The following GGT5 variants were observed in gnomAD, a reference collection of about 807,000 sequenced individuals.
The protein encoded by GGT5 is gamma-glutamyltransferase 5.
A neutral mutation model predicts 58.1 loss-of-function variants in GGT5; 50 were observed. That is an observed-to-expected ratio of 0.86 (90% CI 0.69 to 1.09). The LOEUF (loss-of-function observed/expected upper bound fraction) is 1.09, where lower values mean the gene tolerates loss of function less well. Ranked by LOEUF, GGT5 falls within the 50% of genes least tolerant of loss-of-function variation. GGT5 has a pLI of 0.00. For missense variants in GGT5, 800 were observed against 789.4 expected (o/e 1.01, Z -0.16); for synonymous variants, 370 against 346.1 (o/e 1.07, Z -0.77).
intron 1 of GGT5, chr22:24,242,881 C>T (rs1438591510): frequency 6.6e-6 from 1 of 152,292 alleles, no homozygotes; most frequent in Non-Finnish European, 1.5e-5. Flanking sequence ...CTCTCTTCCA[C>T]TCCCAGCTTC....
Position 24,231,333 on chromosome 22 carries a change from C to T in GGT5, c.901+51G>A, listed in dbSNP as rs773907969. ...GCTTGGAGTCTGAGTTCCCGGGGGC[C>T]GGGGGTGCGGGGGAGGGGGTGGGCG... On this transcript the variant is annotated intron_variant, in intron 6 of 11. Coordinates refer to ENST00000327365, the MANE Select transcript of GGT5 (RefSeq NM_004121.5). The T allele has an allele frequency of 3.3e-5, 30 of 909,494 alleles. No homozygotes were observed. In the African/African-American group the frequency reaches 3.9e-4, roughly 12 times the overall value. 56.3% of individuals were successfully genotyped at this position (909,494 alleles called of 1,614,324 possible).
Position 24,226,280 on chromosome 22 carries a change from G to C in GGT5, c.1039-14C>G, listed in dbSNP as rs746752334. The C allele has an allele frequency of 1.3e-6, 2 of 1,581,602 alleles. No individual in the cohort carries two copies. Among genetic ancestry groups the C allele is most frequent in the South Asian group, 2.3e-5 (2 of 88,688 alleles). ...CCGGGAGGCATTCTGGGGTGGGTGG[G>C]CAGGTGGCAGGGTCAGTGAGGGGCC... On this transcript the variant is annotated splice_polypyrimidine_tract_variant and intron_variant, in intron 7 of 11. Coordinates refer to ENST00000327365, the MANE Select transcript of GGT5 (RefSeq NM_004121.5).
intron 1 of GGT5, 115 bp from the exon 2 acceptor site, chr22:24,234,119 C>A (rs983377512): frequency 9.1e-6 from 9 of 993,880 alleles, no homozygotes; most frequent in Non-Finnish European, 1.3e-5. Flanking sequence ...TCGGCTGCCA[C>A]CAAACCGCAG....
Position 24,219,915 on chromosome 22 carries a change from C to T in GGT5, c.*55G>A. 1 of 1,577,874 alleles carries T rather than the reference C, an allele frequency of 6.3e-7. No individual in the cohort carries two copies. The highest frequency in any genetic ancestry group is 8.7e-7 in the Non-Finnish European group (1 of 1,150,366). On this transcript the variant is annotated 3_prime_UTR_variant, in exon 12 of 12. Coordinates refer to ENST00000327365, the MANE Select transcript of GGT5 (RefSeq NM_004121.5). ...TAGTTGGTCCCCCAGCCATGTCCGGCCTGGACACAGGACTCATGGTGGGGC... is the reference window on the plus strand; with the variant it reads ...TAGTTGGTCCCCCAGCCATGTCCGGTCTGGACACAGGACTCATGGTGGGGC...
rs780041735 is a variant in GGT5 at position 24,244,676 on chromosome 22, C to T, written c.50G>A (p.Gly17Glu). 6.2e-7 allele frequency: 1 copy of T among 1,612,858 alleles called. No individual in the cohort carries two copies. Among genetic ancestry groups the T allele is most frequent in the South Asian group, 1.1e-5 (1 of 91,032 alleles). The change falls in exon 1 of 12, where the codon GGG (glycine) becomes GAG (glutamate). Residue 17 changes from glycine (G) to glutamate (E), a missense_variant. Physicochemically the swap from Gly to Glu is moderately conservative, Grantham distance 98. Coordinates refer to ENST00000327365, the MANE Select transcript of GGT5 (RefSeq NM_004121.5). ...CAGCACAATGACAGCCAGCGCCAGC[C>T]CCAGACCCAGCAGGACTAGGCTGAC... is the stretch of plus-strand genomic sequence containing the variant. ...ATVSLVLLGL[G>E]LALAVIVLAV... is the part of the protein sequence containing the mutation.
intron 11 of GGT5, among the ~76,000 whole-genome samples, chr22:24,220,882 A>C (rs1373907099): frequency 6.6e-6 from 1 of 152,094 alleles, no homozygotes; most frequent in Non-Finnish European, 1.5e-5. Context: ...AAAATAAAAG[A>C]AAAGAAAAAA....
rs1273991633 is a variant in GGT5 at position 24,231,478 on chromosome 22, A to T, written c.807T>A (p.Asp269Glu). The T allele has an allele frequency of 6.3e-7, 1 of 1,581,310 alleles. No homozygotes were observed. The highest frequency in any genetic ancestry group is 1.3e-5 in the African/African-American group (1 of 74,106). ...AGTCCCCCAGGGGCACCTCCAGGGC[A>T]TCCACCACCTCGGGCTGGAACTTGG... ...DLAKFQPEVV[D>E]ALEVPLGDYT... The change falls in exon 6 of 12, where the codon GAT becomes GAA. Residue 269 changes from aspartate (D) to glutamate (E), a missense_variant. Transcript: ENST00000327365.
At chr22:24,234,098 G>A in intron 1 of GGT5, 94 bp from the exon 2 acceptor site, 1 of 1,281,130 alleles carries the variant, frequency 7.8e-7, no homozygotes, top group East Asian at 2.5e-5. Context: ...AATGGTGACG[G>A]AGGCGGCACG....
At chr22:24,233,715 T>C in intron 2 of GGT5, 122 bp from the exon 3 acceptor site, 1 of 871,044 alleles carries the variant, frequency 1.1e-6, no homozygotes, top group Non-Finnish European at 1.8e-6. Context: ...GGGACAGGAG[T>C]TGACACAAGG....
chr22:24,236,572 G>T (rs1451125186), intron 1 of GGT5, among the ~76,000 whole-genome samples: 1 of 152,026 alleles, frequency 6.6e-6, no homozygotes, highest in African/African-American at 2.4e-5. Flanking sequence ...GACCATCCTG[G>T]CTAACACGGT....
At chr22:24,222,531 CT>C (rs1396998273) in intron 11 of GGT5, among the ~76,000 whole-genome samples, 1 of 152,156 alleles carries the variant, frequency 6.6e-6, no homozygotes, top group Non-Finnish European at 1.5e-5. Context: ...GTCCCTGGGC[CT>C]TAGCTGTGAA....
At chr22:24,239,523 A>G (rs1195124437) in intron 1 of GGT5, among the ~76,000 whole-genome samples, 1 of 152,170 alleles carries the variant, frequency 6.6e-6, no homozygotes, top group Non-Finnish European at 1.5e-5. Flanking sequence ...AGAGGGAAGC[A>G]GGAAAGAGTA....
chr22:24,233,862 A>G lies in GGT5; in HGVS notation c.304+12T>C, dbSNP rs200092282. On this transcript the variant is annotated intron_variant, in intron 2 of 11. Coordinates refer to ENST00000327365, the MANE Select transcript of GGT5 (RefSeq NM_004121.5). The stretch of plus-strand genomic sequence containing the variant: ...GCCCATCTTCCCCATGGCAGTTCAC[A>G]TGTGGGCCCACCTGTTGTCACATTG... 1.1e-4 allele frequency: 174 copies of G among 1,612,318 alleles called. 4 individuals carry two copies. The South Asian group carries it at 1.7e-3, about 16-fold the overall frequency.
At chr22:24,231,322 T>A in intron 6 of GGT5, 62 bp downstream of exon 6, 4 of 1,195,836 alleles carry the variant, frequency 3.3e-6, no homozygotes, top group Non-Finnish European at 4.6e-6. Flanking sequence ...GGAGTCTGAG[T>A]TCCCGGGGGC....
Position 24,244,614 on chromosome 22 carries a change from G to C in GGT5, c.112C>G (p.Pro38Ala). The change falls in exon 1 of 12, where the codon CCC (proline) becomes GCC (alanine). Residue 38 changes from proline (P) to alanine (A), a missense_variant. Physicochemically the swap from Pro to Ala is conservative, Grantham distance 27. Transcript: ENST00000327365. ...ACAGCAGCGTGGGCAAAGGCCTGGG[G>C]GCCACATGGGGCCTGGTGTCGAGAG... ...VLSRHQAPCG[P>A]QAFAHAAVAA... is the part of the protein sequence containing the mutation. 6.2e-7 allele frequency: 1 copy of C among 1,612,796 alleles called. No individual in the cohort carries two copies. Among genetic ancestry groups the C allele is most frequent in the Non-Finnish European group, 8.5e-7 (1 of 1,179,886 alleles).
chr22:24,231,996 A>G (rs2047955643), intron 5 of GGT5, 55 bp downstream of exon 5: 2 of 1,497,776 alleles, frequency 1.3e-6, no homozygotes, highest in South Asian at 2.3e-5. Flanking sequence ...CCCAGTGCCC[A>G]GAACTTGGCT....
intron 5 of GGT5, 71 bp from the exon 6 acceptor site, chr22:24,231,601 AGGTCACACAAT>A: frequency 6.9e-7 from 1 of 1,446,336 alleles, no homozygotes; most frequent in Non-Finnish European, 9.5e-7. Flanking sequence ...CACTGCTGTC[AGGTCACACAAT>A]GGGATTCCAC....
At chr22:24,231,267 T>G in intron 6 of GGT5, 117 bp downstream of exon 6, 1 of 668,000 alleles carries the variant, frequency 1.5e-6, no homozygotes, top group Non-Finnish European at 2.6e-6. Context: ...TGAACCCGGT[T>G]TATGGAGGAG....
At chr22:24,233,472 A>T in intron 3 of GGT5, 26 bp downstream of exon 3, 1 of 1,349,770 alleles carries the variant, frequency 7.4e-7, no homozygotes. Flanking sequence ...GGGGGGTGGG[A>T]GTGGGGGACC....
Sources: gnomAD v4.1 joint callset for allele counts (sites outside exome capture counted in the v4.1 genomes callset) on GRCh38, gnomAD v4.1.1 for gene constraint, MANE v1.5 for transcripts, NCBI Gene and HGNC (gene_info 2026-07-23, HGNC 2026-07-21) for gene names.